Variants in PTK7 observed in about 807,000 individuals in gnomAD.
PTK7 encodes inactive tyrosine-protein kinase 7.
In PTK7, 39 loss-of-function variants were observed where a neutral mutation model predicts 116.6. The ratio of observed to expected loss-of-function variants is 0.33; its 90% CI spans 0.26 to 0.44. The LOEUF (loss-of-function observed/expected upper bound fraction) is 0.44, where lower values mean the gene tolerates loss of function less well. Ranked by LOEUF, PTK7 falls within the 20% of genes least tolerant of loss-of-function variation. PTK7 has a pLI of 1.00. For missense variants in PTK7, 1,169 were observed against 1,425.6 expected (o/e 0.82, Z 2.90); for synonymous variants, 546 against 563.6 (o/e 0.97, Z 0.44).
In PTK7 at chr6:43,149,013, C is replaced by T. The variant is rs149584765; in HGVS notation, c.2721+2315C>T. ...GATGGAGGTTGCAGTGAGCCAAGAT[C>T]GTGCCATTGCACTCCAGCCTGGGAG... On this transcript the variant is annotated intron_variant, in intron 17 of 19. Coordinates refer to ENST00000230419, the MANE Select transcript of PTK7 (RefSeq NM_002821.5). 8.3e-3 allele frequency among the ~76,000 whole-genome samples: 1,144 copies of T among 137,730 alleles called. 53 individuals carry two copies. The highest frequency in any genetic ancestry group is 0.078 in the Admixed American group (991 of 12,720). The allele number at this position is 137,730 out of a possible 152,430, so 90.4% of individuals were successfully genotyped here. A position where few individuals can be genotyped will look rare whatever the true frequency, so the allele number is the denominator to read the frequency against.
chr6:43,144,520 C>T lies in PTK7; in HGVS notation c.2321C>T (p.Ser774Phe), dbSNP rs1770611736. 2 of 1,614,038 alleles carry T rather than the reference C, an allele frequency of 1.2e-6. No homozygotes were observed. Among genetic ancestry groups the T allele is most frequent in the Admixed American group, 1.7e-5 (1 of 59,988 alleles). ...QEEVALTSLG[S>F]GPAATNKRHS... ...GAAGTGGCCTTGACCAGCTTGGGCT[C>T]CGGCCCCGCGGCCACCAACAAACGC... The change falls in exon 15 of 20, where the codon TCC (serine) becomes TTC (phenylalanine). Residue 774 changes from serine (S) to phenylalanine (F), a missense_variant. By Grantham distance (155) the Ser-to-Phe change is radical. Coordinates refer to ENST00000230419, the MANE Select transcript of PTK7 (RefSeq NM_002821.5).
At chr6:43,117,625 T>C (rs1311535974) in intron 1 of PTK7, among the ~76,000 whole-genome samples, 1 of 152,100 alleles carries the variant, frequency 6.6e-6, no homozygotes, top group Non-Finnish European at 1.5e-5. Context: ...GGATCAGAAA[T>C]GTGTCCTCTA....
In PTK7 at chr6:43,141,832, G is replaced by A. The variant is rs1299206487; in HGVS notation, c.1768+15G>A. On this transcript the variant is annotated intron_variant, in intron 11 of 19. Coordinates refer to ENST00000230419, the MANE Select transcript of PTK7 (RefSeq NM_002821.5). The surrounding 1 kb of genome is among the most constrained non-coding windows in gnomAD (Gnocchi z 4.9). ...CACTGTGGCAGGTGCGACCGTGGCA[G>A]GGCCCTGGGGCTGGGAGGGCCCTCT... 6 of 1,611,310 alleles carry A rather than the reference G, an allele frequency of 3.7e-6. No individual in the cohort carries two copies. Among genetic ancestry groups the A allele is most frequent in the Non-Finnish European group, 4.2e-6 (5 of 1,178,452 alleles).
chr6:43,129,590 C>T lies in PTK7; in HGVS notation c.368-137C>T. On this transcript the variant is annotated intron_variant, in intron 2 of 19. Transcript: ENST00000230419. The surrounding 1 kb of genome is among the most constrained non-coding windows in gnomAD (Gnocchi z 4.5). ...AGTATCTGGTAACTGTAGCCCCAGC[C>T]TCAGCCTCCAGGGCTTCCTTGTGTC... 1 of 777,978 alleles carries T rather than the reference C, an allele frequency of 1.3e-6. No homozygotes were observed. The highest frequency in any genetic ancestry group is 1.7e-5 in the African/African-American group (1 of 58,228). The allele number at this position is 777,978 out of a possible 1,614,324, so 48.2% of individuals were successfully genotyped here.
chr6:43,081,919 C>T (rs1766403747), intron 1 of PTK7, among the ~76,000 whole-genome samples: 2 of 152,122 alleles, frequency 1.3e-5, no homozygotes, highest in African/African-American at 4.8e-5. Flanking sequence ...CTTCCCTGAT[C>T]CTGGGCTGGC....
At chr6:43,148,700 G>A (rs546077836) in intron 17 of PTK7, among the ~76,000 whole-genome samples, 12 of 152,132 alleles carry the variant, frequency 7.9e-5, no homozygotes, top group South Asian at 6.2e-4. Context: ...TATGATGGGG[G>A]AACTTTAATA....
chr6:43,088,509 A>G (rs531777644), intron 1 of PTK7, among the ~76,000 whole-genome samples: 35 of 151,918 alleles, frequency 2.3e-4, no homozygotes, highest in African/African-American at 7.7e-4. Context: ...CCTGACCAAC[A>G]TGGTGAAACC....
In PTK7 at chr6:43,109,905, A is replaced by T. The variant is rs192676491; in HGVS notation, c.80-19072A>T. Among the ~76,000 whole-genome samples the T allele has an allele frequency of 5.9e-5, 9 of 151,504 alleles. No individual in the cohort carries two copies. The East Asian group carries it at 1.8e-3, about 30-fold the overall frequency. ...AGTAGAGACGGGGTTTCACCGTGTT[A>T]GTCAGGATGATCTCGATTTCCTGAC... On this transcript the variant is annotated intron_variant, in intron 1 of 19. Coordinates refer to ENST00000230419, the MANE Select transcript of PTK7 (RefSeq NM_002821.5).
At chr6:43,081,541 T>A (rs1766379874) in intron 1 of PTK7, among the ~76,000 whole-genome samples, 1 of 151,860 alleles carries the variant, frequency 6.6e-6, no homozygotes, top group South Asian at 2.1e-4. Context: ...AGTACCTGGG[T>A]TTACAGGTGT....
chr6:43,140,821 TATTTTTTAAAATTA>T (rs1770355629), intron 10 of PTK7, among the ~76,000 whole-genome samples: 3 of 152,162 alleles, frequency 2.0e-5, no homozygotes, highest in South Asian at 4.1e-4. Flanking sequence ...TTTTTAAAAA[TATTTTTTAAAATTA>T]TTTATTTTTA....
intron 1 of PTK7, among the ~76,000 whole-genome samples, chr6:43,118,665 A>C (rs372252441): frequency 0.13 from 7,996 of 61,244 alleles, 252 homozygotes; most frequent in East Asian, 0.19. Flanking sequence ...CTCTCTATAT[A>C]TATATATATA....
At chr6:43,116,258 A>G (rs35199842) in intron 1 of PTK7, among the ~76,000 whole-genome samples, 27,255 of 152,020 alleles carry the variant, frequency 0.18, 3,614 homozygotes, top group East Asian at 0.37. Context: ...GCCTTTGAGA[A>G]AGGGTCTGTG....
intron 1 of PTK7, among the ~76,000 whole-genome samples, chr6:43,101,768 G>A (rs1419458695): frequency 6.6e-6 from 1 of 152,010 alleles, no homozygotes; most frequent in African/African-American, 2.4e-5. Flanking sequence ...TAGAAACGTT[G>A]GTGTAAAAGT....
At chr6:43,094,001 T>C (rs990037243) in intron 1 of PTK7, among the ~76,000 whole-genome samples, 3 of 152,202 alleles carry the variant, frequency 2.0e-5, no homozygotes, top group East Asian at 1.9e-4. Context: ...GTTAAAGTTA[T>C]ACTTCTACGC....
At chr6:43,092,194 G>C (rs145233361) in intron 1 of PTK7, among the ~76,000 whole-genome samples, 1 of 151,990 alleles carries the variant, frequency 6.6e-6, no homozygotes, top group Non-Finnish European at 1.5e-5. Context: ...GTTTTTTAGA[G>C]ATATGGTCTT....
At chr6:43,108,045 ATCTAACT>A (rs1216566526) in intron 1 of PTK7, among the ~76,000 whole-genome samples, 1 of 151,670 alleles carries the variant, frequency 6.6e-6, no homozygotes, top group Non-Finnish European at 1.5e-5. Flanking sequence ...GCACATTGTT[ATCTAACT>A]TCTGTCTTGT....
chr6:43,136,542 T>G (rs1175454542), intron 7 of PTK7, among the ~76,000 whole-genome samples: 4 of 152,188 alleles, frequency 2.6e-5, no homozygotes, highest in Admixed American at 1.3e-4. Context: ...CTGGGGCTAT[T>G]GACCAGGGTG....
chr6:43,098,368 T>C (rs1582084728), intron 1 of PTK7, among the ~76,000 whole-genome samples: 1 of 152,062 alleles, frequency 6.6e-6, no homozygotes, highest in Non-Finnish European at 1.5e-5. Flanking sequence ...AACTTTTTTT[T>C]TTTTTTTGAG....
At chr6:43,135,778 A>G (rs1769997933) in intron 7 of PTK7, among the ~76,000 whole-genome samples, 1 of 152,266 alleles carries the variant, frequency 6.6e-6, no homozygotes, top group Admixed American at 6.5e-5. Flanking sequence ...ATCCATTGCT[A>G]CATAGCAAAC....
Sources: allele counts gnomAD v4.1 joint callset (sites outside exome capture counted in the v4.1 genomes callset), GRCh38; gene constraint gnomAD v4.1.1; non-coding constraint Gnocchi (gnomAD v3.1); transcripts MANE v1.5; gene names NCBI Gene and HGNC (gene_info 2026-07-23, HGNC 2026-07-21).